Variants in PKP4 observed in about 807,000 individuals in gnomAD.
PKP4 encodes the protein plakophilin 4.
PKP4 carries 90 observed loss-of-function variants against 145.1 expected under a neutral mutation model. The observed-to-expected ratio is 0.62, with a 90% CI of 0.52 to 0.74. The LOEUF (loss-of-function observed/expected upper bound fraction) is 0.74. Among genes scored for constraint, PKP4 ranks in the 30% least tolerant of loss-of-function variants. The pLI is 0.00. For missense variants in PKP4, 1,340 were observed against 1,482.7 expected (o/e 0.90, Z 1.58); for synonymous variants, 563 against 577.2 (o/e 0.98, Z 0.35).
At chr2:158,592,232 A>G (rs2049330236) in intron 3 of PKP4, among the ~76,000 whole-genome samples, 1 of 152,026 alleles carries the variant, frequency 6.6e-6, no homozygotes. Context: ...GGGATATGGG[A>G]TGAATTAGGG....
At chr2:158,528,320 A>G (rs1322191021) in intron 1 of PKP4, among the ~76,000 whole-genome samples, 1 of 144,176 alleles carries the variant, frequency 6.9e-6, no homozygotes, top group African/African-American at 2.5e-5. Context: ...AAAAATGATG[A>G]TTTCATGTCC....
At chr2:158,629,597 T>C (rs1350298593) in intron 7 of PKP4, among the ~76,000 whole-genome samples, 1 of 152,192 alleles carries the variant, frequency 6.6e-6, no homozygotes, top group Non-Finnish European at 1.5e-5. Flanking sequence ...TTTAGAAGCT[T>C]TATGCATGTG....
intron 9 of PKP4, 40 bp downstream of exon 9, chr2:158,634,329 G>A: frequency 6.6e-7 from 1 of 1,516,274 alleles, no homozygotes; most frequent in Non-Finnish European, 9.1e-7. Flanking sequence ...CTACAGTATT[G>A]CAGGAGTCAG....
intron 2 of PKP4, among the ~76,000 whole-genome samples, chr2:158,541,417 T>A (rs1007384286): frequency 6.6e-6 from 1 of 152,132 alleles, no homozygotes; most frequent in Non-Finnish European, 1.5e-5. Context: ...AAATGTAAAG[T>A]TATTTTCAGT....
chr2:158,646,007 A>G (rs764931540), intron 11 of PKP4, among the ~76,000 whole-genome samples: 7 of 152,228 alleles, frequency 4.6e-5, no homozygotes, highest in Non-Finnish European at 8.8e-5. Context: ...TATAGAGAAC[A>G]TAAGATGTTT....
intron 1 of PKP4, among the ~76,000 whole-genome samples, chr2:158,503,815 G>A (rs888271782): frequency 3.3e-5 from 5 of 152,126 alleles, no homozygotes; most frequent in African/African-American, 1.2e-4. Flanking sequence ...TGTCAACCTT[G>A]AATGTATACC....
intron 2 of PKP4, among the ~76,000 whole-genome samples, chr2:158,557,786 G>C (rs2046217294): frequency 6.6e-6 from 1 of 152,184 alleles, no homozygotes; most frequent in Admixed American, 6.5e-5. Context: ...GTTTACGTTT[G>C]TGTGTGGAAG....
At chr2:158,511,680 C>A (rs1219899473) in intron 1 of PKP4, among the ~76,000 whole-genome samples, 2 of 152,056 alleles carry the variant, frequency 1.3e-5, no homozygotes. Context: ...AGGGAGAGCC[C>A]TGCCAACCAA....
rs557721502 is a variant in PKP4, at chr2:158,624,866, C to G, written c.604-12C>G. 1.9e-6 allele frequency: 3 copies of G among 1,548,922 alleles called. No individual in the cohort carries two copies. Among genetic ancestry groups the G allele is most frequent in the Non-Finnish European group, 2.6e-6 (3 of 1,147,164 alleles). On this transcript the variant is annotated splice_polypyrimidine_tract_variant and intron_variant, in intron 6 of 21. Transcript: ENST00000389759. The stretch of plus-strand genomic sequence containing the variant: ...GATAAACCCATTCTCTTTTTTCCCC[C>G]CCTTTCATCAGCCATCAGTAGCCAA...
intron 11 of PKP4, 67 bp from the exon 12 acceptor site, chr2:158,658,064 T>A: frequency 1.1e-6 from 1 of 894,386 alleles, no homozygotes; most frequent in Non-Finnish European, 1.8e-6. Context: ...TTAGAGCTAA[T>A]ACGTTTATTT....
rs181074758 is a variant in PKP4, at chr2:158,484,299, G to A, written c.-6+27081G>A. 4.6e-3 allele frequency among the ~76,000 whole-genome samples: 696 copies of A among 151,598 alleles called. 1 individual carries two copies. The highest frequency in any genetic ancestry group is 8.1e-3 in the Non-Finnish European group (553 of 67,876). On this transcript the variant is annotated intron_variant, in intron 1 of 21. Coordinates refer to ENST00000389759, the MANE Select transcript of PKP4 (RefSeq NM_003628.6). ...CCTGACCTCGTGATCCACCCACCTCGGCCTCCCAAAGTGCTGGGATTACAG... is the reference window on the plus strand; with the variant it reads ...CCTGACCTCGTGATCCACCCACCTCAGCCTCCCAAAGTGCTGGGATTACAG...
At chr2:158,617,526 A>G (rs533867895) in intron 4 of PKP4, among the ~76,000 whole-genome samples, 1 of 152,320 alleles carries the variant, frequency 6.6e-6, no homozygotes, top group South Asian at 2.1e-4. Flanking sequence ...CCTCTTCTCT[A>G]GTGAATTTGA....
chr2:158,526,112 G>A (rs2105591210), intron 1 of PKP4, among the ~76,000 whole-genome samples: 1 of 150,444 alleles, frequency 6.6e-6, no homozygotes, highest in Non-Finnish European at 1.5e-5. Context: ...GAAAAAGAGG[G>A]AATCCTCCCT....
At chr2:158,590,942 C>T (rs1429019472) in intron 3 of PKP4, among the ~76,000 whole-genome samples, 13 of 151,984 alleles carry the variant, frequency 8.6e-5, no homozygotes, top group African/African-American at 2.9e-4. Context: ...TCACCTGATA[C>T]GATGCAATGA....
chr2:158,630,722 G>T (rs1208887964), intron 7 of PKP4, among the ~76,000 whole-genome samples: 2 of 152,186 alleles, frequency 1.3e-5, no homozygotes. Context: ...AGACTGGCAG[G>T]TCCGCAGGAT....
At chr2:158,462,785 T>A (rs1689965810) in intron 1 of PKP4, among the ~76,000 whole-genome samples, 1 of 152,174 alleles carries the variant, frequency 6.6e-6, no homozygotes, top group African/African-American at 2.4e-5. Flanking sequence ...GATTGTATAA[T>A]CTCTGTGGTC....
intron 1 of PKP4, among the ~76,000 whole-genome samples, chr2:158,493,208 C>T (rs79783003): frequency 0.19 from 29,585 of 151,818 alleles, 3,722 homozygotes; most frequent in Middle Eastern, 0.34. Flanking sequence ...AGAATCTCTG[C>T]CTTATACCCC....
At chr2:158,472,420 T>A (rs1691720226) in intron 1 of PKP4, among the ~76,000 whole-genome samples, 2 of 151,898 alleles carry the variant, frequency 1.3e-5, no homozygotes, top group Admixed American at 1.3e-4. Context: ...CCATCCTGGC[T>A]AACACGGTGA....
At chr2:158,530,787 C>G (rs973539600) in intron 1 of PKP4, among the ~76,000 whole-genome samples, 1 of 152,056 alleles carries the variant, frequency 6.6e-6, no homozygotes, top group Non-Finnish European at 1.5e-5. Context: ...TGCTCCTCAT[C>G]TAATGACTGT....
Sources: gnomAD v4.1 joint callset for allele counts (sites outside exome capture counted in the v4.1 genomes callset) on GRCh38, gnomAD v4.1.1 for gene constraint, MANE v1.5 for transcripts, NCBI Gene and HGNC (gene_info 2026-07-23, HGNC 2026-07-21) for gene names.